DOCK4: variants seen among roughly 807,000 people sequenced by gnomAD.
The protein encoded by DOCK4 is dedicator of cytokinesis 4.
A neutral mutation model predicts 268.1 loss-of-function variants in DOCK4; 97 were observed. The ratio of observed to expected loss-of-function variants is 0.36; its 90% confidence interval spans 0.31 to 0.43. The LOEUF is 0.43. DOCK4 is among the 20% of genes least tolerant of loss of function. The pLI is 1.00. For missense variants in DOCK4, 2,145 were observed against 2,455.7 expected, an observed-to-expected ratio of 0.87 and a Z score of 2.67; for synonymous variants, 954 against 887.2, an observed-to-expected ratio of 1.08 and a Z score of -1.34.
chr7:111,944,724 A>C, intron 10 of DOCK4, 87 bp downstream of exon 10: 1 of 1,247,958 alleles, frequency 8.0e-7, no homozygotes, highest in South Asian at 1.3e-5. Context: ...TGATTCAGAC[A>C]GCAATAAATC....
rs142535520 is a variant in DOCK4 at position 112,003,493 on chromosome 7, C to T, written c.121+555G>A. On this transcript the variant is annotated intron_variant, in intron 2 of 52. Transcript: ENST00000428084. ...AACAGGAATGGAAACATTTGAGAAC[C>T]ATTAGCTATCTTAAATGAGTTGCCT... Among the ~76,000 whole-genome samples the T allele has an allele frequency of 3.6e-3, 547 of 152,296 alleles. 4 individuals are homozygous for T. Among genetic ancestry groups the T allele is most frequent in the African/African-American group, 0.012 (511 of 41,560 alleles).
At chr7:111,913,570 C>T (rs558158131) in intron 13 of DOCK4, among the ~76,000 whole-genome samples, 16 of 151,548 alleles carry the variant, frequency 1.1e-4, no homozygotes, top group Admixed American at 3.9e-4. Context: ...CCACCACGCC[C>T]GGCTAATTTT....
At chr7:112,200,255 T>C (rs192581305) in intron 1 of DOCK4, among the ~76,000 whole-genome samples, 105 of 152,316 alleles carry the variant, frequency 6.9e-4, no homozygotes, top group Non-Finnish European at 2.4e-4. Context: ...AAGCAAGTGC[T>C]GTTTTAATTA....
chr7:112,032,797 T>C (rs937836312), intron 1 of DOCK4, among the ~76,000 whole-genome samples: 5 of 152,306 alleles, frequency 3.3e-5, no homozygotes, highest in East Asian at 1.9e-4. Context: ...TGTACTACCT[T>C]TTATTCTAGC....
chr7:112,007,430 A>G (rs979505270), intron 1 of DOCK4, among the ~76,000 whole-genome samples: 3 of 152,182 alleles, frequency 2.0e-5, no homozygotes, highest in African/African-American at 7.2e-5. Flanking sequence ...TATCTAAGGA[A>G]TAAGTTTTAA....
chr7:112,164,861 A>G (rs1817451728), intron 1 of DOCK4, among the ~76,000 whole-genome samples: 1 of 152,222 alleles, frequency 6.6e-6, no homozygotes, highest in Non-Finnish European at 1.5e-5. Flanking sequence ...GAGCTCCACT[A>G]CAGAGTACTG....
intron 27 of DOCK4, 58 bp downstream of exon 27, chr7:111,822,304 G>A (rs1802048525): frequency 7.3e-7 from 1 of 1,366,552 alleles, no homozygotes; most frequent in Non-Finnish European, 1.0e-6. Context: ...AGATAATTTT[G>A]TACTCCCTTC....
At chr7:112,133,324 A>G (rs987971275) in intron 1 of DOCK4, among the ~76,000 whole-genome samples, 14 of 152,100 alleles carry the variant, frequency 9.2e-5, no homozygotes, top group Non-Finnish European at 1.3e-4. Flanking sequence ...CCACTCCACA[A>G]ATGTTCTTAT....
intron 12 of DOCK4, among the ~76,000 whole-genome samples, chr7:111,926,146 A>AAGAT (rs1232485018): frequency 1.5e-5 from 2 of 137,138 alleles, no homozygotes; most frequent in Non-Finnish European, 3.1e-5. Flanking sequence ...GAAAGAAAGA[A>AAGAT]AAAGAGAAAA....
chr7:111,869,521 T>C, intron 21 of DOCK4, 53 bp downstream of exon 21: 2 of 1,531,306 alleles, frequency 1.3e-6, no homozygotes, highest in Middle Eastern at 1.7e-4. Context: ...AGTTTAAGCA[T>C]CAGCATGCAA....
intron 1 of DOCK4, among the ~76,000 whole-genome samples, chr7:112,094,293 T>C (rs1243358154): frequency 4.6e-5 from 7 of 152,040 alleles, no homozygotes; most frequent in Admixed American, 4.6e-4. Context: ...TGTGACACAG[T>C]GATAAGCTAC....
At chr7:111,990,961 G>A (rs894531770) in intron 5 of DOCK4, among the ~76,000 whole-genome samples, 3 of 152,200 alleles carry the variant, frequency 2.0e-5, no homozygotes, top group African/African-American at 7.2e-5. Context: ...GAGGAAGTCA[G>A]TGTAGGAAGG....
chr7:112,074,224 G>C (rs1341917997), intron 1 of DOCK4, among the ~76,000 whole-genome samples: 2 of 152,120 alleles, frequency 1.3e-5, no homozygotes, highest in Non-Finnish European at 2.9e-5. Flanking sequence ...AGGCAGATGT[G>C]GGTGAGTATC....
chr7:112,137,039 A>G (rs1400984337), intron 1 of DOCK4, among the ~76,000 whole-genome samples: 1 of 152,218 alleles, frequency 6.6e-6, no homozygotes, highest in African/African-American at 2.4e-5. Context: ...ATGGGAAACT[A>G]CCAACCACGT....
intron 1 of DOCK4, chr7:112,023,662 T>C: frequency 2.2e-6 from 1 of 454,194 alleles, no homozygotes; most frequent in Non-Finnish European, 4.4e-6. Context: ...ATCCAACCAC[T>C]AGAATACTAA....
At chr7:112,099,084 G>A (rs1810426846) in intron 1 of DOCK4, among the ~76,000 whole-genome samples, 1 of 151,958 alleles carries the variant, frequency 6.6e-6, no homozygotes, top group Non-Finnish European at 1.5e-5. Flanking sequence ...GAGCCCAGGA[G>A]TTTGAGAGCA....
chr7:112,106,978 G>A (rs1811192821), intron 1 of DOCK4, among the ~76,000 whole-genome samples: 1 of 152,210 alleles, frequency 6.6e-6, no homozygotes, highest in Non-Finnish European at 1.5e-5. Context: ...TTTTTAAGTA[G>A]TATGTGTGGC....
chr7:112,012,568 G>A (rs190217089), intron 1 of DOCK4, among the ~76,000 whole-genome samples: 1 of 152,188 alleles, frequency 6.6e-6, no homozygotes, highest in East Asian at 1.9e-4. Flanking sequence ...GTTACAGAAG[G>A]CAACTGCTTT....
intron 1 of DOCK4, among the ~76,000 whole-genome samples, chr7:112,056,292 AG>A (rs1365385997): frequency 1.3e-5 from 2 of 152,220 alleles, no homozygotes; most frequent in African/African-American, 4.8e-5. Context: ...TAGGTCCACA[AG>A]AAGAGCCACT....
Sources: allele counts gnomAD v4.1 joint callset (sites outside exome capture counted in the v4.1 genomes callset), GRCh38; gene constraint gnomAD v4.1.1; transcripts MANE v1.5; gene names NCBI Gene and HGNC (gene_info 2026-07-23, HGNC 2026-07-21).